The following MAP3K4 variants were observed in gnomAD, a reference collection of about 807,000 sequenced individuals.
MAP3K4 encodes the protein MAP three kinase 1.
In MAP3K4, 67 loss-of-function variants were observed where a neutral mutation model predicts 185.6. That is an observed-to-expected ratio of 0.36 (90% CI 0.30 to 0.44). The LOEUF (loss-of-function observed/expected upper bound fraction) is 0.44, where lower values mean the gene tolerates loss of function less well. MAP3K4 is among the 20% of genes least tolerant of loss of function. MAP3K4 has a pLI of 1.00. For synonymous variants in MAP3K4, 702 were observed against 710.4 expected, an observed-to-expected ratio of 0.99 and a Z score of 0.19; for missense variants, 1,551 against 1,995.1, an observed-to-expected ratio of 0.78 and a Z score of 4.24.
chr6:161,020,781 C>T (rs756113324), intron 1 of MAP3K4, among the ~76,000 whole-genome samples: 3 of 151,812 alleles, frequency 2.0e-5, no homozygotes, highest in Non-Finnish European at 2.9e-5. Context: ...GCTTTGATGC[C>T]ACAGCTATTT....
At position 161,083,689 on chromosome 6, in the gene MAP3K4, T is replaced by C. The variant is rs144490223; in HGVS notation, c.2256-812T>C. Among the ~76,000 whole-genome samples, 21 of 152,362 alleles carry C rather than the reference T, an allele frequency of 1.4e-4. No homozygotes were observed. The South Asian group carries it at 3.5e-3, about 26-fold the overall frequency. On this transcript the variant is annotated intron_variant, in intron 6 of 26. Coordinates refer to ENST00000392142, the MANE Select transcript of MAP3K4 (RefSeq NM_005922.4). ...CATATTTATTGTTCTTCCTGGACTT[T>C]CCTTCCGCCTTTTCCATTTTCTTCC... is the stretch of plus-strand genomic sequence containing the variant.
At position 161,108,620 on chromosome 6, in the gene MAP3K4, G is replaced by T; in HGVS notation, c.4120-123G>T. On this transcript the variant is annotated intron_variant, in intron 21 of 26. Coordinates refer to ENST00000392142, the MANE Select transcript of MAP3K4 (RefSeq NM_005922.4). This position sits in a 1 kb window ranked among gnomAD's most constrained non-coding sequence, Gnocchi z 5.7. Reference sequence around the variant, plus strand: ...CTTCCTTTTTACTTAATTTTTTGTTGTTTTTAATTGACAAATCATGATTAC... The same window carrying T: ...CTTCCTTTTTACTTAATTTTTTGTTTTTTTTAATTGACAAATCATGATTAC... The T allele has an allele frequency of 1.5e-6, 1 of 676,772 alleles. No individual in the cohort carries two copies. Among genetic ancestry groups the T allele is most frequent in the Admixed American group, 2.6e-5 (1 of 38,284 alleles). 41.9% of individuals were successfully genotyped at this position (676,772 alleles called of 1,614,324 possible).
rs1463819410 is a variant in MAP3K4, at chr6:161,116,917, A to G, written c.*47A>G. On this transcript the variant is annotated 3_prime_UTR_variant, in exon 27 of 27. Transcript: ENST00000392142. The surrounding 1 kb of genome is among the most constrained non-coding windows in gnomAD (Gnocchi z 6.2). ...GGAAAATTCTCTTAATCACTACTGT[A>G]TGTAATATTTACATAAAGACTGTGC... 3 of 1,552,654 alleles carry G rather than the reference A, an allele frequency of 1.9e-6. 1 individual carries two copies. Among genetic ancestry groups the G allele is most frequent in the South Asian group, 1.1e-5 (1 of 89,858 alleles).
At chr6:161,014,199 A>G (rs1781975947) in intron 1 of MAP3K4, among the ~76,000 whole-genome samples, 1 of 152,208 alleles carries the variant, frequency 6.6e-6, no homozygotes, top group South Asian at 2.1e-4. Flanking sequence ...TAATGAACTA[A>G]TAAAAGACAA....
At position 161,073,100 on chromosome 6, in the gene MAP3K4, T is replaced by A. The variant is rs968049725; in HGVS notation, c.1951-366T>A. Among the ~76,000 whole-genome samples the A allele has an allele frequency of 3.9e-5, 6 of 152,214 alleles. No homozygotes were observed. Among genetic ancestry groups the A allele is most frequent in the African/African-American group, 1.4e-4 (6 of 41,454 alleles). On this transcript the variant is annotated intron_variant, in intron 4 of 26. Transcript: ENST00000392142. The surrounding 1 kb of genome is among the most constrained non-coding windows in gnomAD (Gnocchi z 4.2). ...GTTTTTGATCATTAGGAGGTTTTTC[T>A]TTCTCACATTTCTTGTAATGTAAAT...
rs1482793700 is a variant in MAP3K4, at chr6:161,067,756, C to T, written c.1708-2852C>T. On this transcript the variant is annotated intron_variant, in intron 3 of 26. Transcript: ENST00000392142. The surrounding 1 kb of genome is among the most constrained non-coding windows in gnomAD (Gnocchi z 6.3). ...GAGACAAGAATTTTTTCCTTTCAGA[C>T]GTTTAATCTTGATGGTAATTTTATA... is the stretch of plus-strand genomic sequence containing the variant. Among the ~76,000 whole-genome samples, 2 of 152,132 alleles carry T rather than the reference C, an allele frequency of 1.3e-5. No individual in the cohort carries two copies. The highest frequency in any genetic ancestry group is 2.4e-5 in the African/African-American group (1 of 41,420).
At position 161,111,962 on chromosome 6, in the gene MAP3K4, G is replaced by C. The variant is rs1778369021; in HGVS notation, c.4519+4G>C. 1 of 1,613,608 alleles carries C rather than the reference G, an allele frequency of 6.2e-7. No homozygotes were observed. Among genetic ancestry groups the C allele is most frequent in the African/African-American group, 1.3e-5 (1 of 74,920 alleles). ...AACAGCACCCTGGGGACAGCAGGTA[G>C]GGACCAGCCTGGTTGTTCTTTGCAC... On this transcript the variant is annotated splice_donor_region_variant and intron_variant, in intron 24 of 26. Coordinates refer to ENST00000392142, the MANE Select transcript of MAP3K4 (RefSeq NM_005922.4).
chr6:161,108,092 A>G lies in MAP3K4; in HGVS notation c.4119+123A>G, dbSNP rs536995459. Reference sequence around the variant, plus strand: ...AGCTGTCTTCAGCACCAGCACTGCGACAGTCAGGACCAACCAGGCAGATGC... The same window carrying G: ...AGCTGTCTTCAGCACCAGCACTGCGGCAGTCAGGACCAACCAGGCAGATGC... On this transcript the variant is annotated intron_variant, in intron 21 of 26. Coordinates refer to ENST00000392142, the MANE Select transcript of MAP3K4 (RefSeq NM_005922.4). This position sits in a 1 kb window ranked among gnomAD's most constrained non-coding sequence, Gnocchi z 5.7. 3 of 762,036 alleles carry G rather than the reference A, an allele frequency of 3.9e-6. No homozygotes were observed. The highest frequency in any genetic ancestry group is 3.5e-5 in the South Asian group (2 of 57,824). The allele number at this position is 762,036 out of a possible 1,614,324, so 47.2% of individuals were successfully genotyped here.
Position 161,081,004 on chromosome 6 carries a change from C to T in MAP3K4, c.2221C>T (p.Arg741Trp). 2 of 1,614,024 alleles carry T rather than the reference C, an allele frequency of 1.2e-6. No homozygotes were observed. Among genetic ancestry groups the T allele is most frequent in the Non-Finnish European group, 1.7e-6 (2 of 1,179,958 alleles). The change falls in exon 6 of 27, where the codon CGG (arginine) becomes TGG (tryptophan). Residue 741 changes from arginine to tryptophan, a missense_variant. Physicochemically the swap from Arg to Trp is moderately radical, Grantham distance 101 (BLOSUM62 -3). Coordinates refer to ENST00000392142, the MANE Select transcript of MAP3K4 (RefSeq NM_005922.4). ...NFTKEITHYIRGGEAQAGKLF... is the reference protein window; with the variant it reads ...NFTKEITHYIWGGEAQAGKLF... Reference sequence around the variant, plus strand: ...CACCAAAGAAATAACTCATTACATACGGGGAGGAGAAGCACAGGCCGGGAA... The same window carrying T: ...CACCAAAGAAATAACTCATTACATATGGGGAGGAGAAGCACAGGCCGGGAA...
intron 1 of MAP3K4, chr6:160,992,427 T>C (rs1408955514): frequency 3.0e-5 from 11 of 365,132 alleles, no homozygotes; most frequent in Admixed American, 1.5e-4. Context: ...GTGGCCTCAC[T>C]GAAGTGCCTC....
Position 161,077,628 on chromosome 6 carries a change from G to T in MAP3K4, c.2098-3253G>T, listed in dbSNP as rs1785242841. Among the ~76,000 whole-genome samples, 1 of 152,110 alleles carries T rather than the reference G, an allele frequency of 6.6e-6. No homozygotes were observed. Among genetic ancestry groups the T allele is most frequent in the African/African-American group, 2.4e-5 (1 of 41,416 alleles). ...TCCAGGAATGCACATGCAAGTCCTT[G>T]GATTAGAGGGGGTAACATACATTCA... On this transcript the variant is annotated intron_variant, in intron 5 of 26. Coordinates refer to ENST00000392142, the MANE Select transcript of MAP3K4 (RefSeq NM_005922.4). The surrounding 1 kb of genome is among the most constrained non-coding windows in gnomAD (Gnocchi z 4.3).
rs151130138 is a variant in MAP3K4, at chr6:161,018,186, T to G, written c.153-16073T>G. 3.4e-4 allele frequency among the ~76,000 whole-genome samples: 52 copies of G among 152,230 alleles called. No individual in the cohort carries two copies. The East Asian group carries it at 6.6e-3, about 19-fold the overall frequency. On this transcript the variant is annotated intron_variant, in intron 1 of 26. Coordinates refer to ENST00000392142, the MANE Select transcript of MAP3K4 (RefSeq NM_005922.4). ...GAAGCAGATTGGAGTTTGAGGAGGC[T>G]GAGGCAGTTGGAAGTTGAGGTTGGA...
In MAP3K4 at chr6:161,063,294, A is replaced by G. The variant is rs552814211; in HGVS notation, c.1708-7314A>G. On this transcript the variant is annotated intron_variant, in intron 3 of 26. Coordinates refer to ENST00000392142, the MANE Select transcript of MAP3K4 (RefSeq NM_005922.4). The surrounding 1 kb of genome is among the most constrained non-coding windows in gnomAD (Gnocchi z 5.4). ...AGTTTATTTCAGAAATCGGTCTACA[A>G]TTCTCATCTGCTTAGTGGACATATC... Among the ~76,000 whole-genome samples, 4 of 152,158 alleles carry G rather than the reference A, an allele frequency of 2.6e-5. No homozygotes were observed. The highest frequency in any genetic ancestry group is 9.6e-5 in the African/African-American group (4 of 41,520).
rs934648994 is a variant in MAP3K4 at position 161,049,421 on chromosome 6, A to C, written c.1149A>C (p.Ala383=). The C allele has an allele frequency of 6.8e-6, 11 of 1,614,120 alleles. No homozygotes were observed. The highest frequency in any genetic ancestry group is 7.6e-6 in the Non-Finnish European group (9 of 1,179,960). The change falls in exon 3 of 27, where the codon GCA becomes GCC. Residue 383 remains alanine, a synonymous_variant. Coordinates refer to ENST00000392142, the MANE Select transcript of MAP3K4 (RefSeq NM_005922.4). This position sits in a 1 kb window ranked among gnomAD's most constrained non-coding sequence, Gnocchi z 8.4. ...AGAAGGACTATGAAAAATATGCTGC[A>C]AAAGACTTCCAGGACAGGGTGCAGG... ...ALQKDYEKYA[A]KDFQDRVQAL...
rs926667929 is a variant in MAP3K4 at position 161,100,675 on chromosome 6, T to C, written c.3675-1217T>C. 4.6e-5 allele frequency among the ~76,000 whole-genome samples: 7 copies of C among 152,208 alleles called. No individual in the cohort carries two copies. The highest frequency in any genetic ancestry group is 8.8e-5 in the Non-Finnish European group (6 of 68,038). The stretch of plus-strand genomic sequence containing the variant: ...TATGCCACTTCATGAGTATATGTTC[T>C]TGCTTTTTACCCGTGCAAAAATCTC... On this transcript the variant is annotated intron_variant, in intron 17 of 26. Coordinates refer to ENST00000392142, the MANE Select transcript of MAP3K4 (RefSeq NM_005922.4). This position sits in a 1 kb window ranked among gnomAD's most constrained non-coding sequence, Gnocchi z 5.8.
Position 160,991,778 on chromosome 6 carries a change from G to C in MAP3K4, c.-154G>C, listed in dbSNP as rs1780701172. On this transcript the variant is annotated 5_prime_UTR_variant, in exon 1 of 27. Coordinates refer to ENST00000392142, the MANE Select transcript of MAP3K4 (RefSeq NM_005922.4). This position sits in a 1 kb window ranked among gnomAD's most constrained non-coding sequence, Gnocchi z 5.7. ...CCACCGTAGCCCCGGCGCTCGGCCG[G>C]TCGCCGTTTCCAAGATGGCCGCGGC... The C allele has an allele frequency of 3.6e-6, 3 of 835,424 alleles. No homozygotes were observed. The highest frequency in any genetic ancestry group is 2.6e-5 in the South Asian group (1 of 38,062). The allele number at this position is 835,424 out of a possible 1,614,324, so 51.8% of individuals were successfully genotyped here.
At chr6:161,062,489 T>G (rs769582741) in intron 3 of MAP3K4, among the ~76,000 whole-genome samples, 6 of 152,218 alleles carry the variant, frequency 3.9e-5, no homozygotes, top group Non-Finnish European at 8.8e-5. Context: ...TATCCCAGTC[T>G]CTTGAGTCAT....
intron 18 of MAP3K4, 141 bp downstream of exon 18, chr6:161,102,133 A>C: frequency 1.5e-6 from 1 of 646,792 alleles, no homozygotes; most frequent in East Asian, 2.8e-5. Flanking sequence ...GAAGAGTAAG[A>C]AGCACAGAGC....
At chr6:161,072,557 A>T (rs1198780388) in intron 4 of MAP3K4, among the ~76,000 whole-genome samples, 1 of 152,230 alleles carries the variant, frequency 6.6e-6, no homozygotes, top group Admixed American at 6.5e-5. Context: ...ACATTGTGAT[A>T]AATATGCTTG....
Sources: gnomAD v4.1 joint callset for allele counts (sites outside exome capture counted in the v4.1 genomes callset) on GRCh38, gnomAD v4.1.1 for gene constraint, Gnocchi (gnomAD v3.1) non-coding constraint, MANE v1.5 for transcripts, NCBI Gene and HGNC (gene_info 2026-07-23, HGNC 2026-07-21) for gene names.